The following COL5A2 variants were observed in gnomAD, a reference collection of about 807,000 sequenced individuals.
The protein encoded by COL5A2 is collagen alpha-2(V) chain.
COL5A2 carries 23 observed loss-of-function variants against 208.2 expected under a neutral mutation model. The observed-to-expected ratio is 0.11, with a 90% CI of 0.08 to 0.16. The LOEUF (loss-of-function observed/expected upper bound fraction) is 0.16. COL5A2 is among the 10% of genes least tolerant of loss of function. The pLI is 1.00. For synonymous variants in COL5A2, 625 were observed against 628.5 expected (o/e 0.99, Z 0.08); for missense variants, 1,590 against 1,956.4 (o/e 0.81, Z 3.53).
rs530597969 is a variant in COL5A2 at position 189,177,936 on chromosome 2, A to G, written c.97+1572T>C. On this transcript the variant is annotated intron_variant, in intron 1 of 53. Transcript: ENST00000374866. The stretch of plus-strand genomic sequence containing the variant: ...CATTTTAACATAAATTAACAAAGAA[A>G]GTGGTATTAAAGGTTTTAAATTAAA... Among the ~76,000 whole-genome samples, 7 of 152,292 alleles carry G rather than the reference A, an allele frequency of 4.6e-5. No homozygotes were observed. In the South Asian group the frequency reaches 1.5e-3, roughly 32 times the overall value.
intron 1 of COL5A2, among the ~76,000 whole-genome samples, chr2:189,216,724 T>C (rs1206338208): frequency 6.6e-6 from 1 of 152,130 alleles, no homozygotes; most frequent in Non-Finnish European, 1.5e-5. Flanking sequence ...GGGTAAATTA[T>C]CTAGGCTTTC....
the COL5A2 span, among the ~76,000 whole-genome samples, chr2:189,429,681 A>C: frequency 2.0e-5 from 3 of 151,874 alleles, no homozygotes; most frequent in Non-Finnish European, 4.4e-5. Context: ...AAATTATAGC[A>C]CTCTCATCAG....
the COL5A2 span, among the ~76,000 whole-genome samples, chr2:189,428,632 A>G: frequency 6.6e-6 from 1 of 151,922 alleles, no homozygotes; most frequent in Non-Finnish European, 1.5e-5. Flanking sequence ...AAAAAATAAA[A>G]AAGTATGAAG....
intron 1 of COL5A2, among the ~76,000 whole-genome samples, chr2:189,151,698 C>A (rs1688145744): frequency 6.6e-6 from 1 of 152,154 alleles, no homozygotes; most frequent in Non-Finnish European, 1.5e-5. Flanking sequence ...CACTGTAAAA[C>A]CCACTAGTGT....
chr2:189,209,225 T>C (rs1333349290), intron 1 of COL5A2, among the ~76,000 whole-genome samples: 1 of 152,198 alleles, frequency 6.6e-6, no homozygotes, highest in African/African-American at 2.4e-5. Context: ...TCAGTTTGGC[T>C]TCTGTTGCTC....
intron 37 of COL5A2, 72 bp from the exon 38 acceptor site, chr2:189,053,549 C>A: frequency 7.7e-7 from 1 of 1,296,740 alleles, no homozygotes; most frequent in Admixed American, 1.7e-5. Context: ...AAAATATGAT[C>A]ATATAAATCT....
At chr2:189,326,294 G>C in the COL5A2 span, among the ~76,000 whole-genome samples, 2 of 152,230 alleles carry the variant, frequency 1.3e-5, no homozygotes, top group African/African-American at 4.8e-5. Flanking sequence ...TATTTTAAAA[G>C]TTTAATTTGT....
At chr2:189,328,436 T>A in the COL5A2 span, among the ~76,000 whole-genome samples, 1 of 152,204 alleles carries the variant, frequency 6.6e-6, no homozygotes, top group African/African-American at 2.4e-5. Context: ...AGCACCTTCC[T>A]CAGGCCCAGG....
intron 1 of COL5A2, among the ~76,000 whole-genome samples, chr2:189,176,209 A>G (rs1277490864): frequency 1.3e-5 from 2 of 152,328 alleles, no homozygotes; most frequent in South Asian, 2.1e-4. Context: ...GGAGGATATC[A>G]GTGTAGGATT....
At chr2:189,178,709 TAAAAA>T (rs11296800) in intron 1 of COL5A2, among the ~76,000 whole-genome samples, 1 of 118,152 alleles carries the variant, frequency 8.5e-6, no homozygotes, top group Non-Finnish European at 1.7e-5. Flanking sequence ...GATTTATCTT[TAAAAA>T]AAAAAAAAAA....
rs191590431 is a variant in COL5A2 at position 189,197,253 on chromosome 2, A to T, written c.-42+27895T>A. On this transcript the variant is annotated intron_variant, in intron 1 of 10. Transcript: ENST00000649966. ...ACAATGAGAACACATGGACACAGGG[A>T]GGGGAACAACACACACCGGGGCCAG... Among the ~76,000 whole-genome samples the T allele has an allele frequency of 7.0e-4, 106 of 152,248 alleles. 4 individuals carry two copies. The highest frequency in any genetic ancestry group is 2.2e-4 in the Non-Finnish European group (15 of 68,016).
upstream of COL5A2, among the ~76,000 whole-genome samples, chr2:189,181,542 CCTATT>C (rs1444111080): frequency 6.6e-6 from 1 of 152,142 alleles, no homozygotes; most frequent in Non-Finnish European, 1.5e-5. Flanking sequence ...GCTTGCCAGT[CCTATT>C]CTACCATGAG....
At chr2:189,120,841 A>C (rs1687485696) in intron 1 of COL5A2, among the ~76,000 whole-genome samples, 1 of 152,352 alleles carries the variant, frequency 6.6e-6, no homozygotes, top group East Asian at 1.9e-4. Context: ...TTTGGCATTA[A>C]GAATGTGTTT....
the COL5A2 span, among the ~76,000 whole-genome samples, chr2:189,413,205 TC>T: frequency 6.6e-6 from 1 of 152,172 alleles, no homozygotes; most frequent in Non-Finnish European, 1.5e-5. Context: ...AGCCTATAGA[TC>T]AGGGAAGCTA....
At chr2:189,077,258 G>A (rs1271331712) in intron 16 of COL5A2, among the ~76,000 whole-genome samples, 6 of 151,978 alleles carry the variant, frequency 3.9e-5, no homozygotes, top group African/African-American at 9.7e-5. Flanking sequence ...CACTACTCCT[G>A]ATTTTTTAAA....
At chr2:189,068,729 A>G in intron 19 of COL5A2, 57 bp downstream of exon 19, 3 of 1,197,826 alleles carry the variant, frequency 2.5e-6, no homozygotes, top group Non-Finnish European at 3.7e-6. Context: ...ATTTGTTCTG[A>G]TGTTACAAGA....
At chr2:189,104,674 CT>C (rs1687115990) in intron 2 of COL5A2, among the ~76,000 whole-genome samples, 1 of 151,738 alleles carries the variant, frequency 6.6e-6, no homozygotes, top group South Asian at 2.1e-4. Flanking sequence ...CAATTATACA[CT>C]AAAAAATGTC....
chr2:189,289,339 T>TA, the COL5A2 span, among the ~76,000 whole-genome samples: 17 of 147,462 alleles, frequency 1.2e-4, no homozygotes, highest in South Asian at 6.5e-4. Context: ...AGACTCTATC[T>TA]AAAAAAAAAG....
chr2:189,129,241 A>G (rs544902779), intron 1 of COL5A2, among the ~76,000 whole-genome samples: 6 of 152,084 alleles, frequency 3.9e-5, no homozygotes, highest in Non-Finnish European at 7.4e-5. Context: ...CTAAAGCCGA[A>G]AGGCTGTCAG....
Sources: gnomAD v4.1 joint callset for allele counts (sites outside exome capture counted in the v4.1 genomes callset) on GRCh38, gnomAD v4.1.1 for gene constraint, MANE v1.5 for transcripts, NCBI Gene and HGNC (gene_info 2026-07-23, HGNC 2026-07-21) for gene names.